DDX6: variants seen among roughly 807,000 people sequenced by gnomAD.
The protein encoded by DDX6 is probable ATP-dependent RNA helicase DDX6.
Under a neutral mutation model 60.6 loss-of-function variants are expected in DDX6, and 7 were observed. The ratio of observed to expected loss-of-function variants is 0.12; its 90% CI spans 0.07 to 0.22. The LOEUF (loss-of-function observed/expected upper bound fraction) is 0.22, where lower values mean the gene tolerates loss of function less well. Among genes scored for constraint, DDX6 ranks in the 10% least tolerant of loss-of-function variants. The probability of loss-of-function intolerance (pLI) is 1.00; values close to 1 mark genes in which losing one functional copy is unlikely to be tolerated. For missense variants in DDX6, 270 were observed against 589.9 expected (o/e 0.46, Z 5.62); for synonymous variants, 207 against 201.0 (o/e 1.03, Z -0.25).
intron 7 of DDX6, 48 bp downstream of exon 7, chr11:118,763,164 A>G: frequency 7.5e-7 from 1 of 1,330,862 alleles, no homozygotes; most frequent in Non-Finnish European, 1.0e-6. Context: ...TTATAAGCAA[A>G]GCACAGAAAA....
chr11:118,763,396 T>C (rs1555160676), intron 6 of DDX6, 90 bp from the exon 7 acceptor site: 1 of 970,640 alleles, frequency 1.0e-6, no homozygotes, highest in African/African-American at 1.6e-5. Context: ...CTGAGCTGCT[T>C]AATGATAATT....
chr11:118,756,464 ATGAGT>A (rs1407534685), intron 10 of DDX6, 141 bp from the exon 11 acceptor site: 3 of 494,284 alleles, frequency 6.1e-6, no homozygotes, highest in East Asian at 6.8e-5. Flanking sequence ...TCAAAACCAA[ATGAGT>A]TAAGTTCTTG....
intron 4 of DDX6, among the ~76,000 whole-genome samples, chr11:118,770,883 C>CAA (rs369951350): frequency 0.025 from 2,392 of 95,476 alleles, 91 homozygotes; most frequent in East Asian, 0.18. Flanking sequence ...CTCAGTCTCA[C>CAA]AAAAAAAAAA....
intron 1 of DDX6, chr11:118,787,362 T>A (rs1862108630): frequency 6.6e-6 from 1 of 152,100 alleles, no homozygotes; most frequent in Non-Finnish European, 1.5e-5. Context: ...TCCAGCTACT[T>A]GGGAGGCTGA....
At position 118,760,091 on chromosome 11, in the gene DDX6, T is replaced by C. The variant is rs782288660; in HGVS notation, c.742-47A>G. On this transcript the variant is annotated intron_variant, in intron 7 of 13. Coordinates refer to ENST00000534980, the MANE Select transcript of DDX6 (RefSeq NM_004397.6). ...ATTTTAAAAACAATAAAATAATGTC[T>C]AAGGTCTTGGTTAATACATGGTCAA... 14 of 1,574,778 alleles carry C rather than the reference T, an allele frequency of 8.9e-6. 1 individual carries two copies. The South Asian group carries it at 1.3e-4, about 14-fold the overall frequency.
At chr11:118,771,466 G>A (rs1861533146) in intron 4 of DDX6, among the ~76,000 whole-genome samples, 1 of 152,178 alleles carries the variant, frequency 6.6e-6, no homozygotes, top group Admixed American at 6.5e-5. Context: ...TGCCTTATAT[G>A]ATGGCCATTA....
chr11:118,758,898 G>C lies in DDX6; in HGVS notation c.869C>G (p.Ser290Cys). Residue 290 changes from serine (S) to cysteine (C), a missense_variant, in exon 9 of 14, where the codon TCC (serine) becomes TGC (cysteine). By Grantham distance (112) the Ser-to-Cys change is moderately radical. Around this residue, in one of 8 missense-constraint regions of DDX6, gnomAD observed 69 missense variants for 208.2 expected, o/e 0.33. Coordinates refer to ENST00000534980, the MANE Select transcript of DDX6 (RefSeq NM_004397.6). ...AATCTCATAGGGTTTCTGCAAATGG[G>C]AATTCTGGGGGGGGAGCGGGAAAAA... ...FPLSVQKFMNSHLQKPYEINL... is the reference protein window; with the variant it reads ...FPLSVQKFMNCHLQKPYEINL... 6.2e-7 allele frequency: 1 copy of C among 1,613,238 alleles called. No individual in the cohort carries two copies. The highest frequency in any genetic ancestry group is 8.5e-7 in the Non-Finnish European group (1 of 1,179,618).
chr11:118,778,420 G>A (rs1861776608), intron 4 of DDX6, among the ~76,000 whole-genome samples: 1 of 152,136 alleles, frequency 6.6e-6, no homozygotes, highest in Non-Finnish European at 1.5e-5. Context: ...CCCCATTGAT[G>A]ATAATAAAAA....
intron 1 of DDX6, chr11:118,787,893 T>A (rs903278291): frequency 6.6e-6 from 1 of 151,176 alleles, no homozygotes; most frequent in Non-Finnish European, 1.5e-5. Flanking sequence ...ATTTTAAATT[T>A]AAAAAAACAG....
intron 4 of DDX6, among the ~76,000 whole-genome samples, chr11:118,771,793 T>G (rs1555162612): frequency 1.3e-5 from 2 of 152,354 alleles, no homozygotes; most frequent in Non-Finnish European, 2.9e-5. Flanking sequence ...GATCTGCACA[T>G]AACATGTAGG....
chr11:118,763,139 T>C (rs1861231524), intron 7 of DDX6, 73 bp downstream of exon 7: 5 of 985,084 alleles, frequency 5.1e-6, no homozygotes, highest in Non-Finnish European at 7.5e-6. Flanking sequence ...CAGCTTTTGC[T>C]TCATTCACTG....
chr11:118,757,069 G>T (rs10892282), intron 10 of DDX6, 102 bp downstream of exon 10: 10 of 612,998 alleles, frequency 1.6e-5, no homozygotes, highest in Non-Finnish European at 2.6e-5. Context: ...GGCTACTAAG[G>T]AACAGTTTAT....
intron 4 of DDX6, among the ~76,000 whole-genome samples, chr11:118,774,725 A>G (rs1247918450): frequency 1.3e-5 from 2 of 152,080 alleles, no homozygotes; most frequent in Admixed American, 6.6e-5. Flanking sequence ...CACCCAGCCA[A>G]TTCTCCAAAT....
chr11:118,764,773 C>T (rs1861292583), intron 6 of DDX6, among the ~76,000 whole-genome samples: 1 of 149,482 alleles, frequency 6.7e-6, no homozygotes, highest in African/African-American at 2.5e-5. Flanking sequence ...CTCTGCACTC[C>T]AGCCTGGGCA....
At chr11:118,776,800 T>C (rs1861714780) in intron 4 of DDX6, among the ~76,000 whole-genome samples, 2 of 144,272 alleles carry the variant, frequency 1.4e-5, no homozygotes, top group South Asian at 4.3e-4. Flanking sequence ...GCCACTGCAC[T>C]CCAGCCTGGC....
chr11:118,786,749 A>G (rs1029742685), intron 1 of DDX6: 11 of 155,820 alleles, frequency 7.1e-5, no homozygotes, highest in Non-Finnish European at 1.6e-4. Context: ...AGCAATCCAG[A>G]GATTAAGTAG....
rs549874042 is a variant in DDX6, at chr11:118,749,105, G to A, written c.*3000C>T. On this transcript the variant is annotated 3_prime_UTR_variant, in exon 14 of 14. Transcript: ENST00000534980. ...AGTATTTATCCCCATCAGAATATAT[G>A]GGGAAAGAAAAAACATAGGCCTAGA... 6.6e-6 allele frequency: 1 copy of A among 152,028 alleles called. No homozygotes were observed. The highest frequency in any genetic ancestry group is 1.5e-5 in the Non-Finnish European group (1 of 67,994). The allele number at this position is 152,028 out of a possible 1,614,324, so 9.4% of individuals were successfully genotyped here.
chr11:118,787,894 A>T (rs1326166334), intron 1 of DDX6: 4 of 150,974 alleles, frequency 2.6e-5, no homozygotes, highest in Non-Finnish European at 5.9e-5. Context: ...TTTTAAATTT[A>T]AAAAAACAGG....
intron 5 of DDX6, among the ~76,000 whole-genome samples, chr11:118,767,059 G>C (rs900075420): frequency 1.3e-5 from 2 of 151,866 alleles, no homozygotes; most frequent in South Asian, 2.1e-4. Flanking sequence ...GCTAATTTTT[G>C]TATTTTTAGT....
Sources: gnomAD v4.1 joint callset for allele counts (sites outside exome capture counted in the v4.1 genomes callset) on GRCh38, gnomAD v4.1.1 for gene constraint, gnomAD v4.1.1 regional missense constraint, MANE v1.5 for transcripts, NCBI Gene and HGNC (gene_info 2026-07-23, HGNC 2026-07-21) for gene names.